The following INTS1 variants were observed in gnomAD, a reference collection of about 807,000 sequenced individuals.
The protein encoded by INTS1 is integrator complex subunit 1.
INTS1 carries 137 observed loss-of-function variants against 241.6 expected under a neutral mutation model. The observed-to-expected ratio is 0.57, with a 90% CI of 0.49 to 0.65. INTS1 has a LOEUF of 0.65. Among genes scored for constraint, INTS1 ranks in the 30% least tolerant of loss-of-function variants. The probability of loss-of-function intolerance (pLI) is 0.00; values close to 1 mark genes in which losing one functional copy is unlikely to be tolerated. For missense variants in INTS1, 3,073 were observed against 3,032.2 expected (o/e 1.01, Z -0.32); for synonymous variants, 1,692 against 1,337.8 (o/e 1.26, Z -5.78).
chr7:1,495,721 A>C (rs949405824), intron 12 of INTS1, among the ~76,000 whole-genome samples, 168 bp from the exon 13 acceptor site: 2 of 152,116 alleles, frequency 1.3e-5, no homozygotes, highest in African/African-American at 4.8e-5. Context: ...GCATGGAGTG[A>C]CCCTGACGCG....
At chr7:1,477,522 C>T in intron 35 of INTS1, 28 bp downstream of exon 35, 4 of 1,484,566 alleles carry the variant, frequency 2.7e-6, no homozygotes, top group Non-Finnish European at 2.7e-6. Flanking sequence ...TGGGGTGGGT[C>T]CCCGTGCTGA....
intron 8 of INTS1, 32 bp downstream of exon 8, chr7:1,498,943 G>GGGCCC: frequency 6.8e-5 from 73 of 1,070,594 alleles, no homozygotes; most frequent in Non-Finnish European, 8.7e-5. Context: ...CCCACCCCCT[G>GGGCCC]CCCCGCCCAC....
chr7:1,478,835 G>A lies in INTS1; in HGVS notation c.4380C>T (p.Leu1460=). The change falls in exon 32 of 48, where the codon CTC becomes CTT. Residue 1460 remains leucine (L), a synonymous_variant. Transcript: ENST00000404767. The stretch of plus-strand genomic sequence containing the variant: ...TGTCCAGCCACTGCAGCATCTGCAG[G>A]AGCACCTTCAGGAAGAGCGAGGAGA... ...TGFSSLFLKV[L]LQMLQWLDSP... 2 of 1,610,752 alleles carry A rather than the reference G, an allele frequency of 1.2e-6. No homozygotes were observed. Among genetic ancestry groups the A allele is most frequent in the Non-Finnish European group, 1.7e-6 (2 of 1,178,940 alleles).
rs201763875 is a variant in INTS1 at position 1,503,065 on chromosome 7, G to A, written c.185C>T (p.Ala62Val). 1.2e-4 allele frequency: 191 copies of A among 1,613,152 alleles called. No homozygotes were observed. The highest frequency in any genetic ancestry group is 7.5e-4 in the South Asian group (68 of 91,050). Reference sequence around the variant, plus strand: ...GGCCGAGGCACTGGACAACGCGGCCGCCGCATCCCGCTTGCGCTCAGAAGG... The same window carrying A: ...GGCCGAGGCACTGGACAACGCGGCCACCGCATCCCGCTTGCGCTCAGAAGG... ...GLPSERKRDA[A>V]AALSSASALT... The change falls in exon 3 of 48, where the codon GCG becomes GTG. Residue 62 changes from alanine (A) to valine (V), a missense_variant. By Grantham distance (64) the Ala-to-Val change is moderately conservative (BLOSUM62 0). Transcript: ENST00000404767.
intron 2 of INTS1, 82 bp downstream of exon 2, chr7:1,503,821 G>A: frequency 2.0e-6 from 2 of 1,016,556 alleles, no homozygotes; most frequent in Non-Finnish European, 2.9e-6. Flanking sequence ...GCCCAACGCA[G>A]GATCCGCGGC....
Position 1,472,337 on chromosome 7 carries a change from G to A in INTS1, c.6120C>T (p.Thr2040=), listed in dbSNP as rs373209908. ...GGGCCATCTCGGCCGCGGTCAGAGG[G>A]GTGAACAGGGAGACGCTGACCAGGG... is the stretch of plus-strand genomic sequence containing the variant. ...SLPLVSVSLF[T]PLTAAEMAPY... The change falls in exon 44 of 48, where the codon ACC becomes ACT. Residue 2040 remains threonine (T), a synonymous_variant. Coordinates refer to ENST00000404767, the MANE Select transcript of INTS1 (RefSeq NM_001080453.3). 35 of 1,573,872 alleles carry A rather than the reference G, an allele frequency of 2.2e-5. No individual in the cohort carries two copies. The highest frequency in any genetic ancestry group is 2.2e-4 in the African/African-American group (16 of 74,212).
chr7:1,492,776 A>C (rs1353500707), intron 16 of INTS1, among the ~76,000 whole-genome samples: 2 of 152,094 alleles, frequency 1.3e-5, no homozygotes, highest in African/African-American at 4.8e-5. Flanking sequence ...TAGTGGCCTC[A>C]CTGGTCTCTG....
chr7:1,492,550 T>G (rs919064024), intron 16 of INTS1, among the ~76,000 whole-genome samples: 6 of 152,302 alleles, frequency 3.9e-5, no homozygotes. Flanking sequence ...TCTGAAAACA[T>G]GGAATTGCAC....
chr7:1,500,397 G>A (rs768781417), intron 3 of INTS1, 31 bp from the exon 4 acceptor site: 2 of 1,519,124 alleles, frequency 1.3e-6, no homozygotes, highest in South Asian at 2.4e-5. Flanking sequence ...GGTCAGAACG[G>A]GGCCAGGGCA....
At position 1,471,845 on chromosome 7, in the gene INTS1, G is replaced by A. The variant is rs1353415635; in HGVS notation, c.6185-204C>T. On this transcript the variant is annotated intron_variant, in intron 44 of 47. Coordinates refer to ENST00000404767, the MANE Select transcript of INTS1 (RefSeq NM_001080453.3). ...CCTGCCCCTACTAGTGGCCTCCAAG[G>A]AGAGGGGTTGACCCCTCACGGCAGC... is the stretch of plus-strand genomic sequence containing the variant. 6.6e-6 allele frequency: 4 copies of A among 601,568 alleles called. No homozygotes were observed. The South Asian group carries it at 7.9e-5, about 12-fold the overall frequency. The allele number at this position is 601,568 out of a possible 1,614,324, so 37.3% of individuals were successfully genotyped here.
chr7:1,483,214 G>A (rs1782079511), intron 26 of INTS1: 1 of 215,186 alleles, frequency 4.6e-6, no homozygotes, highest in African/African-American at 2.3e-5. Context: ...AGACACAACG[G>A]GGTGAACGTG....
rs1782013737 is a variant in INTS1, at chr7:1,481,838, G to A, written c.3704-350C>T. ...ACCTGGGGCCGCACAAGGGGGCAGC[G>A]TGTCGGGACCACCTTGCACCCTGGA... On this transcript the variant is annotated intron_variant, in intron 27 of 47. Coordinates refer to ENST00000404767, the MANE Select transcript of INTS1 (RefSeq NM_001080453.3). This position sits in a 1 kb window ranked among gnomAD's most constrained non-coding sequence, Gnocchi z 6.8. Among the ~76,000 whole-genome samples, 2 of 152,078 alleles carry A rather than the reference G, an allele frequency of 1.3e-5. No homozygotes were observed. The highest frequency in any genetic ancestry group is 2.9e-5 in the Non-Finnish European group (2 of 68,004).
intron 22 of INTS1, among the ~76,000 whole-genome samples, chr7:1,486,046 C>T (rs1337046622): frequency 1.3e-5 from 2 of 151,930 alleles, no homozygotes; most frequent in African/African-American, 4.8e-5. Flanking sequence ...AGTGATCCTC[C>T]TGCCTCAGCT....
chr7:1,497,179 G>C lies in INTS1; in HGVS notation c.1561C>G (p.Gln521Glu), dbSNP rs1782905109. The C allele has an allele frequency of 6.2e-7, 1 of 1,610,710 alleles. No individual in the cohort carries two copies. The highest frequency in any genetic ancestry group is 2.2e-5 in the East Asian group (1 of 44,692). The change falls in exon 11 of 48, where the codon CAG becomes GAG. Residue 521 changes from glutamine (Q) to glutamate (E), a missense_variant. Coordinates refer to ENST00000404767, the MANE Select transcript of INTS1 (RefSeq NM_001080453.3). This position sits in a 1 kb window ranked among gnomAD's most constrained non-coding sequence, Gnocchi z 5.3. Reference protein sequence around the residue: ...NFQAFCLGLMQERKEPQYLEM... With the variant: ...NFQAFCLGLMEERKEPQYLEM... The stretch of plus-strand genomic sequence containing the variant: ...AGGTACTGCGGCTCCTTGCGCTCCT[G>C]CATGAGCCCCAGGCAGAAGGCCTGG...
chr7:1,493,626 CG>C lies in INTS1; in HGVS notation c.2068+127del, dbSNP rs1782697480. 1 of 1,282,740 alleles carries C rather than the reference CG, an allele frequency of 7.8e-7. No homozygotes were observed. Among genetic ancestry groups the C allele is most frequent in the Non-Finnish European group, 1.0e-6 (1 of 962,948 alleles). 79.5% of individuals were successfully genotyped at this position (1,282,740 alleles called of 1,614,324 possible). Reference sequence around the variant, plus strand: ...GGAGAAGGCAGGTCCCCGAGCCTCCCGGGGACCCAGGACCCAGCTGAAGCGC... The same window carrying C: ...GGAGAAGGCAGGTCCCCGAGCCTCCCGGGACCCAGGACCCAGCTGAAGCGC... On this transcript the variant is annotated intron_variant, in intron 15 of 47. Transcript: ENST00000404767. This position sits in a 1 kb window ranked among gnomAD's most constrained non-coding sequence, Gnocchi z 5.3.
In INTS1 at chr7:1,493,097, A is replaced by G. The variant is rs1252973153; in HGVS notation, c.2078T>C (p.Val693Ala). 3.7e-6 allele frequency: 6 copies of G among 1,612,900 alleles called. No individual in the cohort carries two copies. The South Asian group carries it at 5.5e-5, about 15-fold the overall frequency. ...CAGCTGGGTCCTCCCCACCTTCAGC[A>G]CCTCCACATCTAAGACCAAGAGCCA... ...AAAVQADDVEVLKVGRTQLID... is the reference protein window; with the variant it reads ...AAAVQADDVEALKVGRTQLID... The change falls in exon 16 of 48, where the codon GTG becomes GCG. Residue 693 changes from valine (V) to alanine (A), a missense_variant. Coordinates refer to ENST00000404767, the MANE Select transcript of INTS1 (RefSeq NM_001080453.3). The surrounding 1 kb of genome is among the most constrained non-coding windows in gnomAD (Gnocchi z 5.3).
chr7:1,480,471 G>A (rs1452768826), intron 29 of INTS1, 30 bp from the exon 30 acceptor site: 7 of 1,605,156 alleles, frequency 4.4e-6, no homozygotes, highest in Non-Finnish European at 6.0e-6. Context: ...GTCAGTGGCT[G>A]GACACTTTCT....
rs747483780 is a variant in INTS1, at chr7:1,498,552, C to T, written c.1285G>A (p.Glu429Lys). 2.5e-6 allele frequency: 4 copies of T among 1,613,476 alleles called. No homozygotes were observed. The highest frequency in any genetic ancestry group is 3.4e-6 in the Non-Finnish European group (4 of 1,179,840). Reference protein sequence around the residue: ...LLNHFMLCIRELLSAHKDNLG... With the variant: ...LLNHFMLCIRKLLSAHKDNLG... ...TTGTCCTTGTGCGCGCTCAGCAGCT[C>T]CCTGGGTGAGGTGAGGGTACAGACC... is the stretch of plus-strand genomic sequence containing the variant. The change falls in exon 10 of 48, where the codon GAG (glutamate) becomes AAG (lysine). Residue 429 changes from glutamate to lysine, a missense_variant and splice_region_variant. Transcript: ENST00000404767.
chr7:1,483,504 G>A, intron 26 of INTS1: 1 of 583,570 alleles, frequency 1.7e-6, no homozygotes, highest in Non-Finnish European at 3.1e-6. Context: ...TCCAGCTCAG[G>A]GCTCTACAGG....
Sources: allele counts gnomAD v4.1 joint callset (sites outside exome capture counted in the v4.1 genomes callset), GRCh38; gene constraint gnomAD v4.1.1; non-coding constraint Gnocchi (gnomAD v3.1); transcripts MANE v1.5; gene names NCBI Gene and HGNC (gene_info 2026-07-23, HGNC 2026-07-21).